TRPM3: variants seen among roughly 807,000 people sequenced by gnomAD.
TRPM3 encodes transient receptor potential cation channel subfamily M member 3.
A neutral mutation model predicts 181.2 loss-of-function variants in TRPM3; 77 were observed. The observed-to-expected ratio is 0.42, with a 90% CI of 0.35 to 0.51. The LOEUF (loss-of-function observed/expected upper bound fraction) is 0.51, where lower values mean the gene tolerates loss of function less well. Ranked by LOEUF, TRPM3 falls within the 20% of genes least tolerant of loss-of-function variation. The pLI, the probability that TRPM3 is intolerant of heterozygous loss-of-function variation, is 0.01. For missense variants in TRPM3, 1,759 were observed against 2,196.7 expected (o/e 0.80, Z 3.98); for synonymous variants, 745 against 796.4 (o/e 0.94, Z 1.09).
chr9:71,105,495 G>A (rs550944960), intron 1 of TRPM3, among the ~76,000 whole-genome samples: 76 of 152,180 alleles, frequency 5.0e-4, no homozygotes, highest in Non-Finnish European at 1.0e-3. Flanking sequence ...GGCAAGGCAG[G>A]CAGGGTAATC....
intron 22 of TRPM3, among the ~76,000 whole-genome samples, chr9:70,577,658 C>T (rs1007921529): frequency 2.0e-5 from 3 of 152,208 alleles, no homozygotes; most frequent in African/African-American, 7.2e-5. Flanking sequence ...TTAAGTACGA[C>T]TGCCATACAT....
chr9:70,747,269 T>C (rs2075329802), intron 8 of TRPM3, among the ~76,000 whole-genome samples: 1 of 152,060 alleles, frequency 6.6e-6, no homozygotes, highest in Admixed American at 6.6e-5. Flanking sequence ...AAGTTACAAA[T>C]AAAGGAGGCA....
At chr9:71,050,059 T>C (rs1190730392) in intron 1 of TRPM3, among the ~76,000 whole-genome samples, 1 of 152,134 alleles carries the variant, frequency 6.6e-6, no homozygotes, top group Non-Finnish European at 1.5e-5. Context: ...TATGGAATAA[T>C]GTGAAATGAA....
intron 1 of TRPM3, among the ~76,000 whole-genome samples, chr9:71,272,492 C>T (rs1446687185): frequency 6.6e-6 from 1 of 152,082 alleles, no homozygotes; most frequent in Non-Finnish European, 1.5e-5. Context: ...TTATTCACTC[C>T]ATGTATTTAT....
chr9:70,959,461 A>G (rs1247244661), intron 1 of TRPM3, among the ~76,000 whole-genome samples: 1 of 152,046 alleles, frequency 6.6e-6, no homozygotes, highest in East Asian at 1.9e-4. Flanking sequence ...AAAGAGAAAA[A>G]AAAAAGGAAA....
At chr9:71,014,518 G>C (rs72731748) in intron 1 of TRPM3, among the ~76,000 whole-genome samples, 1 of 151,914 alleles carries the variant, frequency 6.6e-6, no homozygotes, top group Admixed American at 6.6e-5. Flanking sequence ...CTGAATTTCT[G>C]CTTTACAAAG....
At chr9:71,263,359 T>C (rs2083188440) in intron 1 of TRPM3, among the ~76,000 whole-genome samples, 2 of 152,340 alleles carry the variant, frequency 1.3e-5, no homozygotes, top group South Asian at 4.1e-4. Flanking sequence ...AATGAGAAGA[T>C]AGTACAAAGA....
chr9:70,531,233 C>T lies in TRPM3; in HGVS notation c.*4720G>A, dbSNP rs908689647. The T allele has an allele frequency of 6.6e-6, 1 of 152,144 alleles. No individual in the cohort carries two copies. Among genetic ancestry groups the T allele is most frequent in the South Asian group, 2.1e-4 (1 of 4,820 alleles). The allele number at this position is 152,144 out of a possible 1,614,324, so 9.4% of individuals were successfully genotyped here. ...AGGTGTTGGCTTGCCACCTCTGGGT[C>T]CCATGGCTATACAACCTGCAGTTAA... On this transcript the variant is annotated 3_prime_UTR_variant, in exon 26 of 26. Transcript: ENST00000677713.
chr9:71,006,739 C>T (rs1362796375), intron 1 of TRPM3, among the ~76,000 whole-genome samples: 7 of 151,598 alleles, frequency 4.6e-5, no homozygotes, highest in Admixed American at 1.3e-4. Context: ...GGCGTGGTGG[C>T]GGGCACCTGT....
intron 1 of TRPM3, among the ~76,000 whole-genome samples, chr9:71,301,380 T>G (rs1318287746): frequency 6.6e-6 from 1 of 152,182 alleles, no homozygotes; most frequent in Non-Finnish European, 1.5e-5. Context: ...GCTTTACACA[T>G]TGATTACTCC....
At chr9:71,129,887 T>C (rs1199066655) in intron 1 of TRPM3, among the ~76,000 whole-genome samples, 2 of 152,186 alleles carry the variant, frequency 1.3e-5, no homozygotes, top group Non-Finnish European at 2.9e-5. Context: ...TCCCTTTCCC[T>C]ACCTTCTAGT....
chr9:71,314,668 G>A (rs752471469), intron 1 of TRPM3, among the ~76,000 whole-genome samples: 6 of 152,082 alleles, frequency 3.9e-5, no homozygotes, highest in Admixed American at 6.6e-5. Context: ...TCATTTAGCA[G>A]TGAGGCCACA....
intron 1 of TRPM3, among the ~76,000 whole-genome samples, chr9:70,912,796 C>A (rs2096551628): frequency 6.6e-6 from 1 of 152,082 alleles, no homozygotes; most frequent in Non-Finnish European, 1.5e-5. Context: ...TTAGATTTGC[C>A]TCTCTCTTTC....
At chr9:71,256,124 G>A (rs1368115173) in intron 1 of TRPM3, among the ~76,000 whole-genome samples, 1 of 152,194 alleles carries the variant, frequency 6.6e-6, no homozygotes, top group Non-Finnish European at 1.5e-5. Context: ...AGAGAAAGTA[G>A]TAAGTAATCT....
At chr9:71,134,517 A>T (rs184385806) in intron 1 of TRPM3, among the ~76,000 whole-genome samples, 2 of 145,514 alleles carry the variant, frequency 1.4e-5, no homozygotes, top group East Asian at 4.1e-4. Flanking sequence ...GTGACAGTGC[A>T]CTATAGCCTG....
intron 1 of TRPM3, among the ~76,000 whole-genome samples, chr9:71,043,786 T>G (rs2059104515): frequency 6.6e-6 from 1 of 152,200 alleles, no homozygotes; most frequent in Non-Finnish European, 1.5e-5. Context: ...AATCTATGTT[T>G]AACAAGCCCT....
chr9:71,082,773 AG>A (rs1033541615), intron 1 of TRPM3, among the ~76,000 whole-genome samples: 1 of 152,134 alleles, frequency 6.6e-6, no homozygotes, highest in South Asian at 2.1e-4. Flanking sequence ...GATGTAACCA[AG>A]GGGGTGGTTT....
At chr9:71,378,421 T>C (rs1166810640) in intron 1 of TRPM3, among the ~76,000 whole-genome samples, 1 of 152,202 alleles carries the variant, frequency 6.6e-6, no homozygotes, top group East Asian at 1.9e-4. Flanking sequence ...CATTGCAGCT[T>C]CAACTGTCAT....
chr9:70,900,861 T>C (rs1397519570), intron 1 of TRPM3, among the ~76,000 whole-genome samples: 1 of 152,206 alleles, frequency 6.6e-6, no homozygotes, highest in African/African-American at 2.4e-5. Context: ...GTAGTCACAA[T>C]ACTATTGTAA....
Sources: gnomAD v4.1 joint callset for allele counts (sites outside exome capture counted in the v4.1 genomes callset) on GRCh38, gnomAD v4.1.1 for gene constraint, MANE v1.5 for transcripts, NCBI Gene and HGNC (gene_info 2026-07-23, HGNC 2026-07-21) for gene names.